CEP170: variants seen among roughly 807,000 people sequenced by gnomAD.
CEP170 encodes centrosomal protein of 170 kDa.
In CEP170, 21 loss-of-function variants were observed where a neutral mutation model predicts 151.9. The observed-to-expected ratio is 0.14, with a 90% confidence interval of 0.10 to 0.20. The LOEUF is 0.20. Ranked by LOEUF, CEP170 falls within the 10% of genes least tolerant of loss-of-function variation. The probability of loss-of-function intolerance (pLI) is 1.00; values close to 1 mark genes in which losing one functional copy is unlikely to be tolerated. For missense variants in CEP170, 964 were observed against 1,892.9 expected (o/e 0.51, Z 9.11); for synonymous variants, 356 against 648.8 (o/e 0.55, Z 6.86).
intron 13 of CEP170, among the ~76,000 whole-genome samples, chr1:243,159,763 T>TG (rs2057892319): frequency 7.9e-6 from 1 of 127,076 alleles, no homozygotes; most frequent in Non-Finnish European, 1.7e-5. Context: ...GTTTCCGGTT[T>TG]TGTGTGTGTG....
intron 1 of CEP170, among the ~76,000 whole-genome samples, chr1:243,228,250 A>C (rs1473504385): frequency 6.6e-6 from 1 of 152,218 alleles, no homozygotes; most frequent in Admixed American, 6.5e-5. Context: ...ACACACATGA[A>C]AAAACAATGG....
At chr1:243,137,443 C>T (rs2055226465) in intron 16 of CEP170, among the ~76,000 whole-genome samples, 1 of 152,150 alleles carries the variant, frequency 6.6e-6, no homozygotes, top group Non-Finnish European at 1.5e-5. Flanking sequence ...GCCTACAAAA[C>T]AAGAGACGTT....
At chr1:243,199,724 T>A (rs2789176) in intron 6 of CEP170, among the ~76,000 whole-genome samples, 128,746 of 150,112 alleles carry the variant, frequency 0.86, 55,347 homozygotes, top group East Asian at 0.93. Flanking sequence ...GAACTAACAT[T>A]TTTTTGTTTG....
At chr1:243,179,310 GT>G (rs2059463627) in intron 10 of CEP170, among the ~76,000 whole-genome samples, 1 of 152,032 alleles carries the variant, frequency 6.6e-6, no homozygotes, top group Non-Finnish European at 1.5e-5. Context: ...TAAGCTGGAA[GT>G]TCATCAATAA....
chr1:243,136,753 T>C (rs1214862131), intron 16 of CEP170, among the ~76,000 whole-genome samples: 1 of 152,110 alleles, frequency 6.6e-6, no homozygotes, highest in Non-Finnish European at 1.5e-5. Context: ...CCAGTTGAGA[T>C]GCGTGGGCAA....
At chr1:243,182,955 T>G (rs1054571718) in intron 10 of CEP170, among the ~76,000 whole-genome samples, 17 of 151,844 alleles carry the variant, frequency 1.1e-4, no homozygotes, top group Non-Finnish European at 1.9e-4. Flanking sequence ...ATGAAACAAG[T>G]TGATGACAGT....
intron 15 of CEP170, chr1:243,140,481 CT>C (rs1342322130): frequency 6.3e-6 from 1 of 158,448 alleles, no homozygotes; most frequent in Non-Finnish European, 1.4e-5. Flanking sequence ...AATAATGTTT[CT>C]TTTTCTTTTA....
intron 16 of CEP170, among the ~76,000 whole-genome samples, chr1:243,137,872 T>A (rs1433391793): frequency 6.6e-6 from 1 of 152,052 alleles, no homozygotes; most frequent in Non-Finnish European, 1.5e-5. Flanking sequence ...TGAACTAACT[T>A]CAGAATGACA....
intron 10 of CEP170, among the ~76,000 whole-genome samples, chr1:243,173,538 C>T (rs1376845323): frequency 6.6e-6 from 1 of 151,388 alleles, no homozygotes; most frequent in Admixed American, 6.6e-5. Flanking sequence ...GAGTTCCGGA[C>T]CAGCCTGGCC....
At chr1:243,211,738 T>C in intron 4 of CEP170, 148 bp downstream of exon 4, 1 of 892,260 alleles carries the variant, frequency 1.1e-6, no homozygotes, top group Non-Finnish European at 1.7e-6. Flanking sequence ...TAACTAAAAA[T>C]ATATATGTAT....
chr1:243,169,666 C>T lies in CEP170; in HGVS notation c.1805G>A (p.Arg602Lys). ...ANHTRHDQEE[R>K]IMEFSAPLPL... ...AAGAGGTGCAGAAAATTCCATTATC[C>T]TTTCTTCTTGATCATGCCTTGTATG... The change falls in exon 12 of 20, where the codon AGG becomes AAG. Residue 602 changes from arginine to lysine, a missense_variant. Physicochemically the swap from Arg to Lys is conservative, Grantham distance 26. Coordinates refer to ENST00000366542, the MANE Select transcript of CEP170 (RefSeq NM_014812.3). 6.2e-7 allele frequency: 1 copy of T among 1,611,174 alleles called. No homozygotes were observed. The highest frequency in any genetic ancestry group is 8.5e-7 in the Non-Finnish European group (1 of 1,178,658).
At chr1:243,244,268 A>C (rs999126923) in intron 1 of CEP170, among the ~76,000 whole-genome samples, 1 of 152,086 alleles carries the variant, frequency 6.6e-6, no homozygotes. Flanking sequence ...TGTGAAATTC[A>C]ACTGTCCTGT....
intron 14 of CEP170, among the ~76,000 whole-genome samples, chr1:243,148,893 T>C (rs1020388280): frequency 7.9e-5 from 12 of 152,128 alleles, no homozygotes; most frequent in African/African-American, 2.9e-4. Flanking sequence ...CCATTCTTTA[T>C]GCAACAAAAG....
At chr1:243,152,320 C>A (rs1305755681) in intron 14 of CEP170, among the ~76,000 whole-genome samples, 12 of 150,046 alleles carry the variant, frequency 8.0e-5, no homozygotes, top group Non-Finnish European at 1.8e-4. Flanking sequence ...CTCCTGGGTT[C>A]ACGCCATTCT....
At chr1:243,156,848 A>G (rs1417386622) in intron 13 of CEP170, 4 of 157,332 alleles carry the variant, frequency 2.5e-5, no homozygotes, top group Non-Finnish European at 5.6e-5. Flanking sequence ...GACAGTAACA[A>G]CATCAACGAC....
At chr1:243,170,564 C>T (rs1323516301) in intron 11 of CEP170, among the ~76,000 whole-genome samples, 6 of 151,994 alleles carry the variant, frequency 3.9e-5, no homozygotes, top group African/African-American at 9.7e-5. Flanking sequence ...GAGACCAAGG[C>T]GGGTGGATCA....
chr1:243,146,410 A>T (rs1474431017), intron 14 of CEP170, among the ~76,000 whole-genome samples: 1 of 152,214 alleles, frequency 6.6e-6, no homozygotes, highest in Non-Finnish European at 1.5e-5. Context: ...TCAGCCAAAT[A>T]ATGAAGAGCC....
intron 11 of CEP170, among the ~76,000 whole-genome samples, chr1:243,172,117 A>C (rs1212429189): frequency 1.3e-5 from 2 of 152,168 alleles, no homozygotes; most frequent in Non-Finnish European, 2.9e-5. Flanking sequence ...TTTATCTCAT[A>C]ATGCCAATCA....
chr1:243,183,194 C>T (rs1051747861), intron 10 of CEP170, among the ~76,000 whole-genome samples: 1 of 152,046 alleles, frequency 6.6e-6, no homozygotes, highest in Non-Finnish European at 1.5e-5. Context: ...GACACAAAGC[C>T]TGGCACATAG....
Sources: allele counts gnomAD v4.1 joint callset (sites outside exome capture counted in the v4.1 genomes callset), GRCh38; gene constraint gnomAD v4.1.1; transcripts MANE v1.5; gene names NCBI Gene and HGNC (gene_info 2026-07-23, HGNC 2026-07-21).